The following RIF1 variants were observed in gnomAD, a reference collection of about 807,000 sequenced individuals.
The protein encoded by RIF1 is telomere-associated protein RIF1.
In RIF1, 45 loss-of-function variants were observed where a neutral mutation model predicts 247.1. The observed-to-expected ratio is 0.18, with a 90% CI of 0.14 to 0.23. The LOEUF is 0.23. Ranked by LOEUF, RIF1 falls within the 10% of genes least tolerant of loss-of-function variation. RIF1 has a pLI of 1.00. For synonymous variants in RIF1, 1,087 were observed against 978.8 expected, an observed-to-expected ratio of 1.11 and a Z score of -2.06; for missense variants, 2,967 against 2,862.5, an observed-to-expected ratio of 1.04 and a Z score of -0.83.
chr2:151,527,538 C>G, the RIF1 span: 1 of 1,613,428 alleles, frequency 6.2e-7, no homozygotes. Flanking sequence ...GGTCAGGAGT[C>G]CACTTCCAGT....
At chr2:151,490,096 ATTCT>A (rs766255786) in intron 9 of RIF1, 1 of 1,564,362 alleles carries the variant, frequency 6.4e-7, no homozygotes, top group Non-Finnish European at 8.8e-7. Flanking sequence ...AAGGGGGCAA[ATTCT>A]TTATAAGAAG....
In RIF1 at chr2:151,465,707, A is replaced by G. The variant is rs774389755; in HGVS notation, c.6187A>G (p.Met2063Val). The G allele has an allele frequency of 1.2e-6, 2 of 1,614,230 alleles. No individual in the cohort carries two copies. Among genetic ancestry groups the G allele is most frequent in the African/African-American group, 1.3e-5 (1 of 75,070 alleles). The change falls in exon 30 of 36, where the codon ATG (methionine) becomes GTG (valine). Residue 2063 changes from methionine (M) to valine (V), a missense_variant. Physicochemically the swap from Met to Val is conservative, Grantham distance 21 (BLOSUM62 1). Transcript: ENST00000444746. ...TGAAACAAACATGTTGACTGCAGAA[A>G]TGGACAACTTTGTTTGTGACACAGT... ...EAETNMLTAE[M>V]DNFVCDTVEM...
At chr2:151,518,725 A>T in the RIF1 span, among the ~76,000 whole-genome samples, 1 of 152,330 alleles carries the variant, frequency 6.6e-6, no homozygotes, top group African/African-American at 2.4e-5. Flanking sequence ...GGAATGGTTA[A>T]TTGGAGGGCA....
the RIF1 span, among the ~76,000 whole-genome samples, chr2:151,515,337 G>A: frequency 2.0e-5 from 3 of 152,296 alleles, no homozygotes; most frequent in African/African-American, 4.8e-5. Flanking sequence ...GCAGTGGAAG[G>A]AGAGCCTAAG....
At chr2:151,414,273 C>A in intron 3 of RIF1, among the ~76,000 whole-genome samples, 1 of 141,668 alleles carries the variant, frequency 7.1e-6, no homozygotes, top group African/African-American at 2.7e-5. Flanking sequence ...GCAACAAGAG[C>A]GAAACTCTGT....
chr2:151,437,148 A>G, intron 12 of RIF1, 93 bp from the exon 13 acceptor site: 1 of 1,216,680 alleles, frequency 8.2e-7, no homozygotes, highest in Non-Finnish European at 1.2e-6. Context: ...TAGAAAACAC[A>G]CCTACTTAAT....
intron 13 of RIF1, 78 bp downstream of exon 13, chr2:151,437,429 A>G: frequency 9.1e-7 from 1 of 1,095,214 alleles, no homozygotes; most frequent in Non-Finnish European, 1.4e-6. Context: ...AGTACCTCAC[A>G]CCTGTAATCC....
In RIF1 at chr2:151,462,958, A is replaced by G; in HGVS notation, c.3438A>G (p.Glu1146=). The G allele has an allele frequency of 6.2e-7, 1 of 1,614,104 alleles. No individual in the cohort carries two copies. The highest frequency in any genetic ancestry group is 2.2e-5 in the East Asian group (1 of 44,882). The change falls in exon 30 of 36, where the codon GAA becomes GAG. Residue 1146 remains glutamate (E), a synonymous_variant. Coordinates refer to ENST00000444746, the MANE Select transcript of RIF1 (RefSeq NM_018151.5). The stretch of plus-strand genomic sequence containing the variant: ...ACTGTGGTATGGCTGAACATCTTGA[A>G]AAGTCCTCCCTTTCGAATAATGAGT... ...TEDCGMAEHL[E]KSSLSNNECG...
intron 11 of RIF1, chr2:151,501,443 G>A (rs201374063): frequency 1.3e-6 from 2 of 1,541,812 alleles, no homozygotes; most frequent in South Asian, 1.2e-5. Flanking sequence ...AGGAGTGACA[G>A]GTAGGGGAGT....
chr2:151,517,969 G>T, the RIF1 span, among the ~76,000 whole-genome samples: 1 of 152,082 alleles, frequency 6.6e-6, no homozygotes, highest in African/African-American at 2.4e-5. Context: ...TCACTTCTCT[G>T]TTTGAAATCT....
intron 30 of RIF1, among the ~76,000 whole-genome samples, chr2:151,467,707 T>C (rs1697168406): frequency 6.6e-6 from 1 of 152,162 alleles, no homozygotes; most frequent in Non-Finnish European, 1.5e-5. Flanking sequence ...TAGAATCAGA[T>C]CGTACACTTT....
At chr2:151,434,251 C>T (rs1690722736) in intron 10 of RIF1, among the ~76,000 whole-genome samples, 1 of 151,544 alleles carries the variant, frequency 6.6e-6, no homozygotes, top group Non-Finnish European at 1.5e-5. Context: ...ATTTCTTGCT[C>T]CGTTTTCTAG....
In RIF1 at chr2:151,475,739, T is replaced by C. The variant is rs1159756954; in HGVS notation, c.*668T>C. 1 of 153,014 alleles carries C rather than the reference T, an allele frequency of 6.5e-6. No homozygotes were observed. Among genetic ancestry groups the C allele is most frequent in the African/African-American group, 2.4e-5 (1 of 41,476 alleles). 9.5% of individuals were successfully genotyped at this position (153,014 alleles called of 1,614,324 possible). A position where few individuals can be genotyped will look rare whatever the true frequency, so the allele number is the denominator to read the frequency against. On this transcript the variant is annotated 3_prime_UTR_variant, in exon 36 of 36. Coordinates refer to ENST00000444746, the MANE Select transcript of RIF1 (RefSeq NM_018151.5). ...TGAAAATTTATTCTTATGAGACGTA[T>C]AGTATTCATTTTTAAATGCATGATT... is the stretch of plus-strand genomic sequence containing the variant.
chr2:151,484,548 A>G (rs1438363675), downstream of RIF1, among the ~76,000 whole-genome samples: 2 of 152,236 alleles, frequency 1.3e-5, no homozygotes, highest in Admixed American at 6.5e-5. Flanking sequence ...GTGAGTAGAG[A>G]TTGGGCCACT....
At chr2:151,490,569 T>C (rs2055598734) in intron 9 of RIF1, 2 of 1,576,048 alleles carry the variant, frequency 1.3e-6, no homozygotes, top group Non-Finnish European at 1.7e-6. Context: ...ATTTCTATGG[T>C]AGTAATGCCT....
chr2:151,443,210 A>G (rs758417687), intron 16 of RIF1, 49 bp from the exon 17 acceptor site: 10 of 1,149,782 alleles, frequency 8.7e-6, no homozygotes, highest in Non-Finnish European at 1.3e-5. Flanking sequence ...TAAAAAACAA[A>G]TGTTCTATTC....
chr2:151,513,515 A>T, the RIF1 span: 1 of 1,142,510 alleles, frequency 8.8e-7, no homozygotes, highest in Non-Finnish European at 1.3e-6. Context: ...TGACAGAGGG[A>T]CACTTTATGT....
At chr2:151,531,943 G>A in the RIF1 span, 1,665 of 1,229,602 alleles carry the variant, frequency 1.4e-3, 15 homozygotes, top group African/African-American at 0.02. Flanking sequence ...TGTAGAGTGG[G>A]CTTTAAGGTA....
Position 151,468,483 on chromosome 2 carries a change from A to C in RIF1, c.6757A>C (p.Thr2253Pro), listed in dbSNP as rs1163878467. 1 of 1,612,464 alleles carries C rather than the reference A, an allele frequency of 6.2e-7. No homozygotes were observed. Among genetic ancestry groups the C allele is most frequent in the Non-Finnish European group, 8.5e-7 (1 of 1,178,544 alleles). Reference protein sequence around the residue: ...SPTTQSKHNTTSAKGFLSPGS... With the variant: ...SPTTQSKHNTPSAKGFLSPGS... ...CCTTTCTTCTATCTAGCATAATACCACTTCAGCCAAAGGATTTCTGTCCCC... is the reference window on the plus strand; with the variant it reads ...CCTTTCTTCTATCTAGCATAATACCCCTTCAGCCAAAGGATTTCTGTCCCC... The change falls in exon 32 of 36, where the codon ACT becomes CCT. Residue 2253 changes from threonine to proline, a missense_variant. By Grantham distance (38) the Thr-to-Pro change is conservative. Transcript: ENST00000444746.
Sources: gnomAD v4.1 joint callset for allele counts (sites outside exome capture counted in the v4.1 genomes callset) on GRCh38, gnomAD v4.1.1 for gene constraint, MANE v1.5 for transcripts, NCBI Gene and HGNC (gene_info 2026-07-23, HGNC 2026-07-21) for gene names.